The following ULK4 variants were observed in gnomAD, a reference collection of about 807,000 sequenced individuals.
ULK4 encodes the protein unc-51 like kinase 4.
A neutral mutation model predicts 160.6 loss-of-function variants in ULK4; 133 were observed. The ratio of observed to expected loss-of-function variants is 0.83; its 90% CI spans 0.72 to 0.96. ULK4 has a LOEUF of 0.96. Ranked by LOEUF, ULK4 falls within the 40% of genes least tolerant of loss-of-function variation. The pLI is 0.00. For synonymous variants in ULK4, 534 were observed against 539.8 expected, an observed-to-expected ratio of 0.99 and a Z score of 0.15; for missense variants, 1,580 against 1,499.5, an observed-to-expected ratio of 1.05 and a Z score of -0.89.
chr3:41,432,645 G>C (rs2082938409), intron 34 of ULK4, among the ~76,000 whole-genome samples: 1 of 152,148 alleles, frequency 6.6e-6, no homozygotes, highest in African/African-American at 2.4e-5. Flanking sequence ...TTATTTCCCA[G>C]GACATACACT....
chr3:41,477,292 C>A (rs1328076112), intron 32 of ULK4, among the ~76,000 whole-genome samples: 1 of 152,188 alleles, frequency 6.6e-6, no homozygotes, highest in Non-Finnish European at 1.5e-5. Context: ...CAACTCCAAT[C>A]ATTGTGTTCT....
At position 41,722,801 on chromosome 3, in the gene ULK4, T is replaced by C. The variant is rs149828642; in HGVS notation, c.2322-4940A>G. On this transcript the variant is annotated intron_variant, in intron 22 of 36. Coordinates refer to ENST00000301831, the MANE Select transcript of ULK4 (RefSeq NM_017886.4). ...TTGTCTTCATTAAACATGCAGAATATATAACCGTTTATTTAACCCATCATC... is the reference window on the plus strand; with the variant it reads ...TTGTCTTCATTAAACATGCAGAATACATAACCGTTTATTTAACCCATCATC... Among the ~76,000 whole-genome samples the C allele has an allele frequency of 4.6e-5, 7 of 152,322 alleles. No individual in the cohort carries two copies. In the East Asian group the frequency reaches 1.3e-3, roughly 29 times the overall value.
chr3:41,888,049 AC>A (rs1468215130), intron 16 of ULK4, among the ~76,000 whole-genome samples: 13 of 152,060 alleles, frequency 8.5e-5, no homozygotes, highest in African/African-American at 3.1e-4. Flanking sequence ...GGTAACATGC[AC>A]CTGTAGTCCC....
Position 41,916,052 on chromosome 3 carries a change from T to C in ULK4, c.728A>G (p.Asp243Gly), listed in dbSNP as rs1029104057. The C allele has an allele frequency of 1.1e-5, 18 of 1,565,474 alleles. No individual in the cohort carries two copies. The East Asian group carries it at 3.6e-4, about 32-fold the overall frequency. ...CEDPLPPIPK[D>G]SSRPKASSDF... Reference sequence around the variant, plus strand: ...TGAAGAAGCTTTAGGACGAGAAGAATCTATAAATGAATTAATTTCCAAGAA... The same window carrying C: ...TGAAGAAGCTTTAGGACGAGAAGAACCTATAAATGAATTAATTTCCAAGAA... Residue 243 changes from aspartate (D) to glycine (G), a missense_variant and splice_region_variant, in exon 8 of 37, where the codon GAT (aspartate) becomes GGT (glycine). By Grantham distance (94) the Asp-to-Gly change is moderately conservative. Transcript: ENST00000301831.
intron 22 of ULK4, among the ~76,000 whole-genome samples, chr3:41,724,110 C>A (rs1575609923): frequency 6.6e-6 from 1 of 152,192 alleles, no homozygotes; most frequent in East Asian, 1.9e-4. Flanking sequence ...GAAAGCCTGA[C>A]TTATCTGTTC....
chr3:41,826,741 A>G (rs2041370643), intron 18 of ULK4, among the ~76,000 whole-genome samples: 1 of 150,082 alleles, frequency 6.7e-6, no homozygotes, highest in South Asian at 2.1e-4. Context: ...TCAACATTAG[A>G]CAGATCAACG....
intron 25 of ULK4, among the ~76,000 whole-genome samples, chr3:41,707,894 G>C (rs930017605): frequency 5.3e-5 from 8 of 151,592 alleles, no homozygotes; most frequent in Admixed American, 2.6e-4. Flanking sequence ...TATACAAATG[G>C]TCAATAGGTA....
At chr3:41,696,426 C>A (rs988145108) in intron 27 of ULK4, among the ~76,000 whole-genome samples, 2 of 152,220 alleles carry the variant, frequency 1.3e-5, no homozygotes, top group South Asian at 2.1e-4. Flanking sequence ...GTCCAGTGGA[C>A]ACGTGACCCA....
intron 32 of ULK4, among the ~76,000 whole-genome samples, chr3:41,463,718 T>G (rs555227109): frequency 6.6e-6 from 1 of 152,178 alleles, no homozygotes; most frequent in Non-Finnish European, 1.5e-5. Flanking sequence ...TATAAGAAAT[T>G]TGAAATTTAG....
intron 18 of ULK4, among the ~76,000 whole-genome samples, chr3:41,821,572 C>T (rs1286296393): frequency 2.0e-5 from 3 of 152,170 alleles, no homozygotes; most frequent in African/African-American, 7.2e-5. Flanking sequence ...GGATCCCATC[C>T]CCATCCTCCC....
intron 31 of ULK4, among the ~76,000 whole-genome samples, chr3:41,577,478 C>A (rs2088230901): frequency 6.6e-6 from 1 of 152,104 alleles, no homozygotes; most frequent in Non-Finnish European, 1.5e-5. Flanking sequence ...CTTTGTGTCA[C>A]AAATAATCCA....
intron 35 of ULK4, among the ~76,000 whole-genome samples, chr3:41,348,358 G>A (rs1380783336): frequency 6.6e-6 from 1 of 152,160 alleles, no homozygotes; most frequent in African/African-American, 2.4e-5. Context: ...AGGACAAGGT[G>A]TACTGGGGAA....
intron 21 of ULK4, among the ~76,000 whole-genome samples, chr3:41,775,285 C>G (rs2039566018): frequency 3.3e-5 from 5 of 150,238 alleles, no homozygotes; most frequent in African/African-American, 1.3e-4. Context: ...TTTTACCTAT[C>G]CAGACAAAAA....
chr3:41,360,840 G>A (rs2081128355), intron 35 of ULK4, among the ~76,000 whole-genome samples: 1 of 152,012 alleles, frequency 6.6e-6, no homozygotes, highest in Admixed American at 6.6e-5. Context: ...CCTAGGTGAT[G>A]GGATGATCTG....
In ULK4 at chr3:41,420,475, C is replaced by CTTTTTTT. The variant is rs1165381982; in HGVS notation, c.3493-22218_3493-22212dup. ...GGATTTTTCAGTTTTCCAGTTCTTT[C>CTTTTTTT]TTTTTTTTTTTTTTTTTTTTTTTTT... On this transcript the variant is annotated intron_variant, in intron 34 of 36. Transcript: ENST00000301831. 3.4e-3 allele frequency among the ~76,000 whole-genome samples: 140 copies of CTTTTTTT among 41,180 alleles called. 4 individuals carry two copies. The highest frequency in any genetic ancestry group is 7.2e-3 in the African/African-American group (72 of 10,048). 27.0% of individuals were successfully genotyped at this position (41,180 alleles called of 152,430 possible).
chr3:41,798,703 G>T (rs1196618577), intron 20 of ULK4, among the ~76,000 whole-genome samples: 1 of 151,974 alleles, frequency 6.6e-6, no homozygotes, highest in Non-Finnish European at 1.5e-5. Context: ...CTTTAAAGAG[G>T]TATGGCTAGG....
At chr3:41,825,734 T>G (rs1336456012) in intron 18 of ULK4, among the ~76,000 whole-genome samples, 2 of 152,190 alleles carry the variant, frequency 1.3e-5, no homozygotes, top group African/African-American at 2.4e-5. Flanking sequence ...GAAAACACTC[T>G]GCAGGATATT....
chr3:41,350,481 T>TA lies in ULK4; in HGVS notation c.3678+47597dup, dbSNP rs1053760041. Among the ~76,000 whole-genome samples, 10 of 152,218 alleles carry TA rather than the reference T, an allele frequency of 6.6e-5. 1 individual carries two copies. The highest frequency in any genetic ancestry group is 1.7e-4 in the African/African-American group (7 of 41,530). On this transcript the variant is annotated intron_variant, in intron 35 of 36. Coordinates refer to ENST00000301831, the MANE Select transcript of ULK4 (RefSeq NM_017886.4). Reference sequence around the variant, plus strand: ...GTGTAAACCAAAAAGTAATGCTGCTTAAAAAAAACTACAATTTGACGGCTT... The same window carrying TA: ...GTGTAAACCAAAAAGTAATGCTGCTTAAAAAAAAACTACAATTTGACGGCTT...
At chr3:41,301,329 T>G (rs2079791899) in intron 35 of ULK4, among the ~76,000 whole-genome samples, 1 of 152,158 alleles carries the variant, frequency 6.6e-6, no homozygotes, top group Non-Finnish European at 1.5e-5. Flanking sequence ...CTTTTAAGAT[T>G]AGGGGAAATG....
Sources: allele counts gnomAD v4.1 joint callset (sites outside exome capture counted in the v4.1 genomes callset), GRCh38; gene constraint gnomAD v4.1.1; transcripts MANE v1.5; gene names NCBI Gene and HGNC (gene_info 2026-07-23, HGNC 2026-07-21).